Variants in CTIF observed in about 807,000 individuals in gnomAD.
The protein encoded by CTIF is cap binding complex dependent translation initiation factor.
A neutral mutation model predicts 66.0 loss-of-function variants in CTIF; 21 were observed. The ratio of observed to expected loss-of-function variants is 0.32; its 90% CI spans 0.23 to 0.46. The LOEUF (loss-of-function observed/expected upper bound fraction) is 0.46. Ranked by LOEUF, CTIF falls within the 20% of genes least tolerant of loss-of-function variation. The pLI is 1.00. For missense variants in CTIF, 739 were observed against 812.7 expected (o/e 0.91, Z 1.10); for synonymous variants, 345 against 326.4 (o/e 1.06, Z -0.62).
At chr18:48,841,477 A>G (rs1274979196) in intron 10 of CTIF, among the ~76,000 whole-genome samples, 4 of 152,180 alleles carry the variant, frequency 2.6e-5, no homozygotes, top group Admixed American at 6.5e-5. Context: ...AGTCGCCCCC[A>G]GGGAAGCTTA....
intron 7 of CTIF, among the ~76,000 whole-genome samples, chr18:48,727,070 G>GCACACACACACA (rs35188197): frequency 7.6e-4 from 110 of 144,580 alleles, no homozygotes; most frequent in African/African-American, 2.7e-3. Context: ...CAAGTTAGCT[G>GCACACACACACA]CACACACACA....
At chr18:48,691,938 G>GT (rs2091931637) in intron 6 of CTIF, among the ~76,000 whole-genome samples, 1 of 152,218 alleles carries the variant, frequency 6.6e-6, no homozygotes, top group African/African-American at 2.4e-5. Context: ...CTAGAGCACA[G>GT]TGGTGTGATT....
Position 48,614,946 on chromosome 18 carries a change from A to G in CTIF, c.-28-4592A>G, listed in dbSNP as rs58026334. ...GACAGAAACTCACTCTGTCACCCAG[A>G]CTGGAGTGCAGCAACACGATCATAG... On this transcript the variant is annotated intron_variant, in intron 1 of 11. Coordinates refer to ENST00000256413, the MANE Select transcript of CTIF (RefSeq NM_014772.3). Among the ~76,000 whole-genome samples, 432 of 152,214 alleles carry G rather than the reference A, an allele frequency of 2.8e-3. 1 individual carries two copies. The highest frequency in any genetic ancestry group is 1.0e-2 in the African/African-American group (415 of 41,526).
chr18:48,619,046 GAA>G (rs1403719180), intron 1 of CTIF, among the ~76,000 whole-genome samples: 2 of 152,334 alleles, frequency 1.3e-5, no homozygotes, highest in African/African-American at 2.4e-5. Flanking sequence ...TGACTGAAAA[GAA>G]AAAGTCTCCT....
At chr18:48,643,886 C>T (rs1012092224) in intron 3 of CTIF, among the ~76,000 whole-genome samples, 15 of 152,152 alleles carry the variant, frequency 9.9e-5, no homozygotes, top group African/African-American at 2.4e-5. Flanking sequence ...TGATCCAAGT[C>T]CCCACCATGT....
chr18:48,652,199 G>GT (rs2091167817), intron 3 of CTIF, among the ~76,000 whole-genome samples: 1 of 152,148 alleles, frequency 6.6e-6, no homozygotes, highest in African/African-American at 2.4e-5. Flanking sequence ...CCAGGAGCTG[G>GT]TTTTTTGAAA....
chr18:48,747,628 CA>C (rs1246348697), intron 7 of CTIF, among the ~76,000 whole-genome samples: 41 of 152,094 alleles, frequency 2.7e-4, no homozygotes, highest in African/African-American at 9.6e-4. Context: ...ATTTTGCTAC[CA>C]GGGGCTGCGG....
At chr18:48,612,304 C>T (rs2090321749) in intron 1 of CTIF, among the ~76,000 whole-genome samples, 1 of 152,198 alleles carries the variant, frequency 6.6e-6, no homozygotes, top group Non-Finnish European at 1.5e-5. Flanking sequence ...AGCCTGGGCA[C>T]CCTGGCCTCT....
At chr18:48,823,955 A>G (rs561402512) in intron 10 of CTIF, among the ~76,000 whole-genome samples, 5 of 149,112 alleles carry the variant, frequency 3.4e-5, no homozygotes, top group Non-Finnish European at 7.4e-5. Flanking sequence ...ATGATCTTAT[A>G]TATAGAAAAT....
chr18:48,796,818 G>A (rs925801634), intron 9 of CTIF, among the ~76,000 whole-genome samples: 1 of 152,202 alleles, frequency 6.6e-6, no homozygotes. Flanking sequence ...GAAATCGCGT[G>A]GGTAGCTGAT....
intron 7 of CTIF, among the ~76,000 whole-genome samples, chr18:48,748,502 G>A (rs1907478342): frequency 6.6e-6 from 1 of 152,128 alleles, no homozygotes; most frequent in Non-Finnish European, 1.5e-5. Context: ...ATGGAGGCAG[G>A]CCCATTCCCT....
At chr18:48,584,118 A>T (rs2089719241) in intron 1 of CTIF, among the ~76,000 whole-genome samples, 1 of 152,182 alleles carries the variant, frequency 6.6e-6, no homozygotes, top group Non-Finnish European at 1.5e-5. Flanking sequence ...GTACCAGGGC[A>T]CAAGGCTTAA....
intron 10 of CTIF, among the ~76,000 whole-genome samples, chr18:48,827,936 G>A (rs571077022): frequency 8.7e-4 from 132 of 151,916 alleles, no homozygotes; most frequent in African/African-American, 2.8e-3. Context: ...ACACGGAAGC[G>A]GCCCCATCTG....
At chr18:48,599,492 G>A (rs2090051065) in intron 1 of CTIF, among the ~76,000 whole-genome samples, 1 of 152,178 alleles carries the variant, frequency 6.6e-6, no homozygotes, top group Non-Finnish European at 1.5e-5. Flanking sequence ...TTTTCATGTA[G>A]TTGAGATTTC....
At chr18:48,659,466 G>T (rs1363868058) in intron 3 of CTIF, among the ~76,000 whole-genome samples, 1 of 152,176 alleles carries the variant, frequency 6.6e-6, no homozygotes, top group African/African-American at 2.4e-5. Context: ...AGCTCCGGGG[G>T]TGCTGTCCAT....
intron 1 of CTIF, among the ~76,000 whole-genome samples, chr18:48,611,472 C>G (rs1478704832): frequency 5.9e-5 from 9 of 152,380 alleles, no homozygotes; most frequent in South Asian, 2.1e-4. Context: ...GGCCTGGGGA[C>G]TCCACCCATT....
At chr18:48,696,531 G>C (rs941680251) in intron 6 of CTIF, among the ~76,000 whole-genome samples, 2 of 152,226 alleles carry the variant, frequency 1.3e-5, no homozygotes, top group African/African-American at 4.8e-5. Context: ...TAGTCTGTCT[G>C]GCTTGAGCTC....
chr18:48,646,767 TAAAAA>T (rs905805146), intron 3 of CTIF, among the ~76,000 whole-genome samples: 2 of 146,730 alleles, frequency 1.4e-5, no homozygotes, highest in Admixed American at 6.8e-5. Flanking sequence ...GAAAATAAAA[TAAAAA>T]CAAAAAGGAA....
At position 48,857,284 on chromosome 18, in the gene CTIF, G is replaced by A. The variant is rs914864861; in HGVS notation, c.1528-304G>A. Among the ~76,000 whole-genome samples, 117 of 152,254 alleles carry A rather than the reference G, an allele frequency of 7.7e-4. 10 individuals are homozygous for A. Among genetic ancestry groups the A allele is most frequent in the Non-Finnish European group, 1.5e-5 (1 of 68,044 alleles). On this transcript the variant is annotated intron_variant, in intron 10 of 11. Coordinates refer to ENST00000256413, the MANE Select transcript of CTIF (RefSeq NM_014772.3). ...GGATGATCCCAGCGCACTCACTGCT[G>A]CAGGCTTTCTCTTCAGTGGCCTCTT...
Sources: gnomAD v4.1 joint callset for allele counts (sites outside exome capture counted in the v4.1 genomes callset) on GRCh38, gnomAD v4.1.1 for gene constraint, MANE v1.5 for transcripts, NCBI Gene and HGNC (gene_info 2026-07-23, HGNC 2026-07-21) for gene names.